The following KIRREL3 variants were observed in gnomAD, a reference collection of about 807,000 sequenced individuals.
The protein encoded by KIRREL3 is kin of IRRE-like protein 3.
KIRREL3 carries 36 observed loss-of-function variants against 89.7 expected under a neutral mutation model. That is an observed-to-expected ratio of 0.40 (90% CI 0.31 to 0.53). KIRREL3 has a LOEUF of 0.53. KIRREL3 is among the 20% of genes least tolerant of loss of function. The pLI is 0.49. For missense variants in KIRREL3, 864 were observed against 1,056.6 expected (o/e 0.82, Z 2.53); for synonymous variants, 445 against 441.4 (o/e 1.01, Z -0.10).
rs1230761818 is a variant in KIRREL3 at position 126,877,983 on chromosome 11, G to A, written c.55+122472C>T. On this transcript the variant is annotated intron_variant, in intron 1 of 16. Transcript: ENST00000525144. The surrounding 1 kb of genome is among the most constrained non-coding windows in gnomAD (Gnocchi z 4.9). ...TGATGGGACCTAGAATCAAAGATAT[G>A]GAGGTGACTCGTCCAAGGTCTTAGA... Among the ~76,000 whole-genome samples, 1 of 152,138 alleles carries A rather than the reference G, an allele frequency of 6.6e-6. No homozygotes were observed. Among genetic ancestry groups the A allele is most frequent in the African/African-American group, 2.4e-5 (1 of 41,422 alleles).
rs536106861 is a variant in KIRREL3, at chr11:126,622,402, C to G, written c.56-59490G>C. ...GAGGGAGGAGAGGAGTCGGTTCTGG[C>G]TTGTGAGCCATGGTGCTACTGGTCC... On this transcript the variant is annotated intron_variant, in intron 1 of 16. Transcript: ENST00000525144. The surrounding 1 kb of genome is among the most constrained non-coding windows in gnomAD (Gnocchi z 5.2). Among the ~76,000 whole-genome samples the G allele has an allele frequency of 2.6e-5, 4 of 152,332 alleles. No individual in the cohort carries two copies. The South Asian group carries it at 8.3e-4, about 32-fold the overall frequency.
In KIRREL3 at chr11:126,668,960, A is replaced by G. The variant is rs1945814084; in HGVS notation, c.56-106048T>C. Reference sequence around the variant, plus strand: ...TGGGGTGCTGGGTACTGACAGTAAGAGTGTCCAGGATGAGGGAATGCATGT... The same window carrying G: ...TGGGGTGCTGGGTACTGACAGTAAGGGTGTCCAGGATGAGGGAATGCATGT... On this transcript the variant is annotated intron_variant, in intron 1 of 16. Transcript: ENST00000525144. The surrounding 1 kb of genome is among the most constrained non-coding windows in gnomAD (Gnocchi z 4.4). Among the ~76,000 whole-genome samples the G allele has an allele frequency of 1.3e-5, 2 of 151,990 alleles. No homozygotes were observed. The highest frequency in any genetic ancestry group is 4.2e-4 in the South Asian group (2 of 4,812).
At chr11:126,869,678 G>T (rs192572952) in intron 1 of KIRREL3, among the ~76,000 whole-genome samples, 1 of 152,070 alleles carries the variant, frequency 6.6e-6, no homozygotes, top group East Asian at 1.9e-4. Context: ...TCATCATAGT[G>T]TTCAACTTAC....
At chr11:126,472,440 C>CA (rs1956921187) in intron 5 of KIRREL3, among the ~76,000 whole-genome samples, 1 of 152,170 alleles carries the variant, frequency 6.6e-6, no homozygotes. Flanking sequence ...GGGTCTCCCT[C>CA]AGGCCTCTTT....
Position 126,730,741 on chromosome 11 carries a change from C to T in KIRREL3, c.56-167829G>A, listed in dbSNP as rs568313445. Reference sequence around the variant, plus strand: ...TACAACATGCAATACTTTTCTTTTTCTTTTTTTTTGTTTTTGAGATTGAGT... The same window carrying T: ...TACAACATGCAATACTTTTCTTTTTTTTTTTTTTTGTTTTTGAGATTGAGT... On this transcript the variant is annotated intron_variant, in intron 1 of 16. Transcript: ENST00000525144. Among the ~76,000 whole-genome samples the T allele has an allele frequency of 5.9e-5, 9 of 151,416 alleles. No homozygotes were observed. In the East Asian group the frequency reaches 1.6e-3, roughly 26 times the overall value.
Position 126,669,594 on chromosome 11 carries a change from C to T in KIRREL3, c.56-106682G>A, listed in dbSNP as rs887434534. On this transcript the variant is annotated intron_variant, in intron 1 of 16. Coordinates refer to ENST00000525144, the MANE Select transcript of KIRREL3 (RefSeq NM_032531.4). This position sits in a 1 kb window ranked among gnomAD's most constrained non-coding sequence, Gnocchi z 5.0. ...AGCACACATGGAACATTTGCTAACT[C>T]CGTGGTTGACTCATTCAAGCCCTCC... Among the ~76,000 whole-genome samples, 3 of 152,150 alleles carry T rather than the reference C, an allele frequency of 2.0e-5. No individual in the cohort carries two copies. The highest frequency in any genetic ancestry group is 7.2e-5 in the African/African-American group (3 of 41,424).
At chr11:126,919,854 C>G (rs768456345) in intron 1 of KIRREL3, among the ~76,000 whole-genome samples, 5 of 152,118 alleles carry the variant, frequency 3.3e-5, no homozygotes, top group Non-Finnish European at 7.3e-5. Flanking sequence ...ACAGAATATT[C>G]CAGTAACAAT....
At chr11:126,438,227 T>A (rs959634441) in intron 11 of KIRREL3, among the ~76,000 whole-genome samples, 1 of 152,252 alleles carries the variant, frequency 6.6e-6, no homozygotes, top group Non-Finnish European at 1.5e-5. Flanking sequence ...TATGTCTGTG[T>A]GAGAAATGTG....
In KIRREL3 at chr11:126,783,682, G is replaced by A. The variant is rs1950396260; in HGVS notation, c.55+216773C>T. Among the ~76,000 whole-genome samples the A allele has an allele frequency of 6.6e-6, 1 of 152,222 alleles. No individual in the cohort carries two copies. Among genetic ancestry groups the A allele is most frequent in the South Asian group, 2.1e-4 (1 of 4,826 alleles). ...TAAATACAGAAATAAATAAATGGAG[G>A]AGAATAGATAGACTCCAGTGCAGAA... On this transcript the variant is annotated intron_variant, in intron 1 of 16. Coordinates refer to ENST00000525144, the MANE Select transcript of KIRREL3 (RefSeq NM_032531.4). This position sits in a 1 kb window ranked among gnomAD's most constrained non-coding sequence, Gnocchi z 4.3.
chr11:126,442,273 C>A (rs4937133), intron 10 of KIRREL3, among the ~76,000 whole-genome samples: 9,494 of 50,424 alleles, frequency 0.19, 841 homozygotes, highest in East Asian at 0.25. Context: ...AAAAAAAAAA[C>A]AAAAAAAAAA....
intron 1 of KIRREL3, chr11:126,935,333 G>T (rs931089855): frequency 6.8e-6 from 1 of 147,844 alleles, no homozygotes; most frequent in African/African-American, 2.5e-5. Context: ...AAAAAGAAAA[G>T]AAACATACTC....
Position 126,811,303 on chromosome 11 carries a change from A to C in KIRREL3, c.55+189152T>G, listed in dbSNP as rs2134423654. On this transcript the variant is annotated intron_variant, in intron 1 of 16. Coordinates refer to ENST00000525144, the MANE Select transcript of KIRREL3 (RefSeq NM_032531.4). This position sits in a 1 kb window ranked among gnomAD's most constrained non-coding sequence, Gnocchi z 4.3. ...CTTTCTTCAGAGAGAACTTTGACCC[A>C]GAACCGAGTGACTGTTATGGAGCTA... is the stretch of plus-strand genomic sequence containing the variant. Among the ~76,000 whole-genome samples the C allele has an allele frequency of 6.6e-6, 1 of 152,316 alleles. No homozygotes were observed. Among genetic ancestry groups the C allele is most frequent in the South Asian group, 2.1e-4 (1 of 4,820 alleles).
At position 126,639,173 on chromosome 11, in the gene KIRREL3, C is replaced by T. The variant is rs1944376152; in HGVS notation, c.56-76261G>A. 6.6e-6 allele frequency among the ~76,000 whole-genome samples: 1 copy of T among 152,176 alleles called. No homozygotes were observed. Among genetic ancestry groups the T allele is most frequent in the South Asian group, 2.1e-4 (1 of 4,828 alleles). ...ACTTCGGTGCTAATAGATCTGGAAA[C>T]TTAAGCTCTGGAGGGCCACCTGTCA... On this transcript the variant is annotated intron_variant, in intron 1 of 16. Coordinates refer to ENST00000525144, the MANE Select transcript of KIRREL3 (RefSeq NM_032531.4). This position sits in a 1 kb window ranked among gnomAD's most constrained non-coding sequence, Gnocchi z 4.3.
At chr11:126,951,205 C>T (rs77698264) in intron 1 of KIRREL3, among the ~76,000 whole-genome samples, 3,517 of 152,202 alleles carry the variant, frequency 0.023, 138 homozygotes, top group African/African-American at 0.079. Flanking sequence ...AAAAGAGGAG[C>T]CTGCACCTTT....
At chr11:126,825,736 T>C (rs1468227994) in intron 1 of KIRREL3, among the ~76,000 whole-genome samples, 2 of 152,200 alleles carry the variant, frequency 1.3e-5, no homozygotes, top group African/African-American at 4.8e-5. Flanking sequence ...AAGCACTTTA[T>C]GTATTTTTAC....
chr11:126,549,970 A>T (rs1160281147), intron 2 of KIRREL3: 1 of 151,928 alleles, frequency 6.6e-6, no homozygotes, highest in East Asian at 1.9e-4. Context: ...CATGCTGGAC[A>T]CTCCTCTCCT....
intron 1 of KIRREL3, among the ~76,000 whole-genome samples, chr11:126,972,204 G>GAGAGAGA (rs1555110558): frequency 2.7e-4 from 40 of 146,580 alleles, no homozygotes; most frequent in Non-Finnish European, 4.0e-4. Flanking sequence ...GAGAGAGAGA[G>GAGAGAGA]GACTGTGCAT....
At chr11:126,762,225 C>T (rs1024854802) in intron 1 of KIRREL3, among the ~76,000 whole-genome samples, 1 of 152,030 alleles carries the variant, frequency 6.6e-6, no homozygotes, top group Admixed American at 6.6e-5. Flanking sequence ...AGTCTGGTCT[C>T]CTGGTTGTTC....
chr11:126,564,846 G>T lies in KIRREL3; in HGVS notation c.56-1934C>A, dbSNP rs773777421. Among the ~76,000 whole-genome samples the T allele has an allele frequency of 6.6e-6, 1 of 152,224 alleles. No individual in the cohort carries two copies. Among genetic ancestry groups the T allele is most frequent in the Non-Finnish European group, 1.5e-5 (1 of 68,042 alleles). ...GAGCTCCCTGGAACAATAGCCTCTC[G>T]AGGGAGACTGTATTGAAACCTCAAC... On this transcript the variant is annotated intron_variant, in intron 1 of 16. Coordinates refer to ENST00000525144, the MANE Select transcript of KIRREL3 (RefSeq NM_032531.4). This position sits in a 1 kb window ranked among gnomAD's most constrained non-coding sequence, Gnocchi z 7.4.
Sources: gnomAD v4.1 joint callset for allele counts (sites outside exome capture counted in the v4.1 genomes callset) on GRCh38, gnomAD v4.1.1 for gene constraint, Gnocchi (gnomAD v3.1) non-coding constraint, MANE v1.5 for transcripts, NCBI Gene and HGNC (gene_info 2026-07-23, HGNC 2026-07-21) for gene names.